Variants in TRERF1 observed in about 807,000 individuals in gnomAD.
TRERF1 encodes transcriptional regulating factor 1.
A neutral mutation model predicts 122.9 loss-of-function variants in TRERF1; 27 were observed. That is an observed-to-expected ratio of 0.22 (90% CI 0.16 to 0.30). The LOEUF is 0.30. TRERF1 is among the 10% of genes least tolerant of loss of function. TRERF1 has a pLI of 1.00. For synonymous variants in TRERF1, 636 were observed against 641.7 expected, an observed-to-expected ratio of 0.99 and a Z score of 0.13; for missense variants, 1,248 against 1,560.3, an observed-to-expected ratio of 0.80 and a Z score of 3.37.
At chr6:42,413,012 A>G (rs1781332492) in intron 2 of TRERF1, among the ~76,000 whole-genome samples, 1 of 152,208 alleles carries the variant, frequency 6.6e-6, no homozygotes. Flanking sequence ...AGGCTAGGAC[A>G]GCAATGCTTA....
chr6:42,280,091 C>T (rs571970488), intron 4 of TRERF1, among the ~76,000 whole-genome samples: 23 of 152,156 alleles, frequency 1.5e-4, no homozygotes, highest in Admixed American at 6.5e-5. Context: ...GTCGGTGCCA[C>T]GGGGAGCATT....
chr6:42,268,103 C>T lies in TRERF1; in HGVS notation c.1437+51G>A, dbSNP rs1359085944. On this transcript the variant is annotated intron_variant, in intron 5 of 17. Transcript: ENST00000372922. The surrounding 1 kb of genome is among the most constrained non-coding windows in gnomAD (Gnocchi z 4.4). ...AGGATTGAGCACTGCAGACTCAGCC[C>T]TGACCCTGTAGCACACTGGGTATTG... is the stretch of plus-strand genomic sequence containing the variant. 8.5e-6 allele frequency: 12 copies of T among 1,410,064 alleles called. No individual in the cohort carries two copies. Among genetic ancestry groups the T allele is most frequent in the Admixed American group, 2.7e-5 (1 of 37,276 alleles). 87.3% of individuals were successfully genotyped at this position (1,410,064 alleles called of 1,614,324 possible). A position where few individuals can be genotyped will look rare whatever the true frequency, so the allele number is the denominator to read the frequency against.
intron 4 of TRERF1, among the ~76,000 whole-genome samples, chr6:42,282,257 T>C (rs140443983): frequency 3.3e-5 from 5 of 152,286 alleles, no homozygotes; most frequent in Admixed American, 2.6e-4. Flanking sequence ...TTGTTAAAAC[T>C]AACAAGGAGA....
Position 42,275,042 on chromosome 6 carries a change from T to C in TRERF1, c.-258-5194A>G, listed in dbSNP as rs1384419580. Among the ~76,000 whole-genome samples, 1 of 152,226 alleles carries C rather than the reference T, an allele frequency of 6.6e-6. No homozygotes were observed. The highest frequency in any genetic ancestry group is 2.4e-5 in the African/African-American group (1 of 41,462). ...TCCTCCTAGAGACACTTTATGCTCA[T>C]ACAAGAACACTAATGCACAGCCCGT... On this transcript the variant is annotated intron_variant, in intron 4 of 17. Coordinates refer to ENST00000372922, the Ensembl canonical transcript of TRERF1. This position sits in a 1 kb window ranked among gnomAD's most constrained non-coding sequence, Gnocchi z 4.1.
chr6:42,373,182 G>A (rs260240), intron 2 of TRERF1, among the ~76,000 whole-genome samples: 1 of 152,210 alleles, frequency 6.6e-6, no homozygotes. Context: ...CTTTCTAACA[G>A]CCACAGTGTT....
In TRERF1 at chr6:42,232,370, A is replaced by G. The variant is rs1287809871; in HGVS notation, c.3278+311T>C. On this transcript the variant is annotated intron_variant, in intron 17 of 17. Coordinates refer to ENST00000372922, the Ensembl canonical transcript of TRERF1. The surrounding 1 kb of genome is among the most constrained non-coding windows in gnomAD (Gnocchi z 4.5). ...TCCAAACAGAGTAATGCTAGTGAACATAGCTTGGGTGTGAAGGGAAGGAGT... is the reference window on the plus strand; with the variant it reads ...TCCAAACAGAGTAATGCTAGTGAACGTAGCTTGGGTGTGAAGGGAAGGAGT... Among the ~76,000 whole-genome samples, 3 of 152,184 alleles carry G rather than the reference A, an allele frequency of 2.0e-5. No individual in the cohort carries two copies. The highest frequency in any genetic ancestry group is 4.4e-5 in the Non-Finnish European group (3 of 68,026).
chr6:42,319,877 T>C (rs776677087), intron 3 of TRERF1, among the ~76,000 whole-genome samples: 23 of 151,144 alleles, frequency 1.5e-4, no homozygotes, highest in Non-Finnish European at 3.2e-4. Flanking sequence ...TATATTATAT[T>C]AAATACATTA....
intron 15 of TRERF1, among the ~76,000 whole-genome samples, chr6:42,240,245 TAACA>T (rs1773373658): frequency 6.6e-6 from 1 of 152,252 alleles, no homozygotes; most frequent in African/African-American, 2.4e-5. Context: ...CTCATTCATT[TAACA>T]AACATTTATT....
chr6:42,277,476 C>T (rs976428473), intron 4 of TRERF1, among the ~76,000 whole-genome samples: 18 of 152,252 alleles, frequency 1.2e-4, no homozygotes, highest in East Asian at 1.2e-3. Context: ...AGGTTTGTCC[C>T]GCAGCAGTCC....
rs148222177 is a variant in TRERF1, at chr6:42,355,898, G to A, written c.-371+7099C>T. Among the ~76,000 whole-genome samples, 330 of 152,278 alleles carry A rather than the reference G, an allele frequency of 2.2e-3. 1 individual carries two copies. Among genetic ancestry groups the A allele is most frequent in the African/African-American group, 7.7e-3 (318 of 41,546 alleles). ...GGTTCCAAGAGCCTCCTTTTAAGAG[G>A]CACATGAAGGTTATAGAAGGTGATC... On this transcript the variant is annotated intron_variant, in intron 3 of 17. Coordinates refer to ENST00000372922, the Ensembl canonical transcript of TRERF1.
At chr6:42,426,763 T>C (rs532208625) in intron 2 of TRERF1, among the ~76,000 whole-genome samples, 101 of 152,244 alleles carry the variant, frequency 6.6e-4, no homozygotes, top group African/African-American at 2.2e-3. Context: ...AGCAGCAAAG[T>C]TGAGTAGTTA....
At chr6:42,384,613 TAAATC>T (rs1486593437) in intron 2 of TRERF1, among the ~76,000 whole-genome samples, 1 of 152,132 alleles carries the variant, frequency 6.6e-6, no homozygotes, top group Non-Finnish European at 1.5e-5. Context: ...CCTCAACTAT[TAAATC>T]AATCAATAGG....
At chr6:42,303,586 C>G (rs1786599252) in intron 3 of TRERF1, among the ~76,000 whole-genome samples, 1 of 152,076 alleles carries the variant, frequency 6.6e-6, no homozygotes, top group East Asian at 1.9e-4. Flanking sequence ...ACACTGTGCT[C>G]CAATCACTGT....
At chr6:42,308,957 C>G (rs1017309267) in intron 3 of TRERF1, among the ~76,000 whole-genome samples, 1 of 61,224 alleles carries the variant, frequency 1.6e-5, no homozygotes, top group African/African-American at 1.0e-4. Flanking sequence ...ACATTTTTTA[C>G]GTGAAAAAAA....
chr6:42,339,795 T>A (rs890879273), intron 3 of TRERF1, among the ~76,000 whole-genome samples: 1 of 152,232 alleles, frequency 6.6e-6, no homozygotes, highest in African/African-American at 2.4e-5. Flanking sequence ...CCAGTGCTCT[T>A]TCCCAGGTAG....
chr6:42,234,629 C>A (rs1477881214), intron 16 of TRERF1, among the ~76,000 whole-genome samples: 1 of 152,204 alleles, frequency 6.6e-6, no homozygotes, highest in Non-Finnish European at 1.5e-5. Context: ...GCGTGAGCCA[C>A]CGCGCCTGGC....
chr6:42,259,464 C>A lies in TRERF1; in HGVS notation c.2144G>T (p.Ser715Ile). The stretch of plus-strand genomic sequence containing the variant: ...GAGCCCCGAGCCCTGGCGCACCGGG[C>A]TCAGCATGGGTGGGGGCGTGTAAGG... The change falls in exon 9 of 18, where the codon AGC becomes ATC. Residue 715 changes from serine (S) to isoleucine (I), a missense_variant. By Grantham distance (142) the Ser-to-Ile change is moderately radical (BLOSUM62 -2). This residue lies in a region of TRERF1 where 946 missense variants were observed against 1,073.0 expected (regional missense o/e 0.88). Coordinates refer to ENST00000372922, the Ensembl canonical transcript of TRERF1. The surrounding 1 kb of genome is among the most constrained non-coding windows in gnomAD (Gnocchi z 4.9). 1 of 1,606,828 alleles carries A rather than the reference C, an allele frequency of 6.2e-7. No individual in the cohort carries two copies. The highest frequency in any genetic ancestry group is 1.1e-5 in the South Asian group (1 of 90,802).
At chr6:42,356,160 C>A (rs531771933) in intron 3 of TRERF1, among the ~76,000 whole-genome samples, 3 of 152,276 alleles carry the variant, frequency 2.0e-5, no homozygotes, top group Admixed American at 2.0e-4. Flanking sequence ...GAACACTTGT[C>A]GCTCTAAGGC....
intron 2 of TRERF1, among the ~76,000 whole-genome samples, chr6:42,421,408 T>C (rs1782742428): frequency 6.6e-6 from 1 of 152,182 alleles, no homozygotes; most frequent in Admixed American, 6.5e-5. Flanking sequence ...TGCTGACCCA[T>C]GTTCATCTGG....
Sources: gnomAD v4.1 joint callset for allele counts (sites outside exome capture counted in the v4.1 genomes callset) on GRCh38, gnomAD v4.1.1 for gene constraint, gnomAD v4.1.1 regional missense constraint, Gnocchi (gnomAD v3.1) non-coding constraint, MANE v1.5 for transcripts, NCBI Gene and HGNC (gene_info 2026-07-23, HGNC 2026-07-21) for gene names.